Variants in GRID2 observed in about 807,000 individuals in gnomAD.
The protein encoded by GRID2 is glutamate receptor ionotropic, delta-2.
A neutral mutation model predicts 114.8 loss-of-function variants in GRID2; 33 were observed. That is an observed-to-expected ratio of 0.29 (90% CI 0.22 to 0.38). The LOEUF is 0.38. Among genes scored for constraint, GRID2 ranks in the 10% least tolerant of loss-of-function variants. The pLI is 1.00. For missense variants in GRID2, 1,184 were observed against 1,257.7 expected, an observed-to-expected ratio of 0.94 and a Z score of 0.89; for synonymous variants, 505 against 449.9, an observed-to-expected ratio of 1.12 and a Z score of -1.55.
chr4:92,816,318 C>CAAAAAAA (rs764487348), intron 2 of GRID2, among the ~76,000 whole-genome samples: 8 of 48,254 alleles, frequency 1.7e-4, no homozygotes, highest in East Asian at 7.2e-4. Context: ...TCTGTCTCAC[C>CAAAAAAA]AAAAAAAAAA....
chr4:92,589,647 C>T (rs976972937), intron 1 of GRID2, among the ~76,000 whole-genome samples: 4 of 151,672 alleles, frequency 2.6e-5, no homozygotes, highest in African/African-American at 4.8e-5. Flanking sequence ...TAATGAAACC[C>T]GTGTTCAAAA....
At chr4:93,781,651 T>C (rs1167663453) in intron 1 of GRID2, among the ~76,000 whole-genome samples, 3 of 152,204 alleles carry the variant, frequency 2.0e-5, no homozygotes, top group Non-Finnish European at 4.4e-5. Flanking sequence ...ATATAACATA[T>C]GCAAATTCTT....
rs530017904 is a variant in GRID2, at chr4:93,164,639, A to G, written c.736-42765A>G. 16 of 318,814 alleles carry G rather than the reference A, an allele frequency of 5.0e-5. 1 individual carries two copies. The highest frequency in any genetic ancestry group is 2.4e-4 in the Admixed American group (8 of 32,964). 19.7% of individuals were successfully genotyped at this position (318,814 alleles called of 1,614,324 possible). On this transcript the variant is annotated intron_variant, in intron 4 of 15. Transcript: ENST00000282020. ...AATAGTATCAAACGAATGGTAGGGGAAAAAAATGAAAATACCGGTTATCCT... is the reference window on the plus strand; with the variant it reads ...AATAGTATCAAACGAATGGTAGGGGGAAAAAATGAAAATACCGGTTATCCT...
chr4:92,649,321 A>G (rs1050729181), intron 2 of GRID2, among the ~76,000 whole-genome samples: 4 of 150,208 alleles, frequency 2.7e-5, no homozygotes, highest in African/African-American at 9.8e-5. Flanking sequence ...GAACCAGACG[A>G]GGCAATGTTG....
At chr4:93,654,864 G>A (rs1374152053) in intron 14 of GRID2, among the ~76,000 whole-genome samples, 1 of 152,094 alleles carries the variant, frequency 6.6e-6, no homozygotes, top group African/African-American at 2.4e-5. Context: ...GCTAATGGAT[G>A]CTGTCATTGA....
intron 2 of GRID2, among the ~76,000 whole-genome samples, chr4:92,979,811 G>C (rs1292018866): frequency 6.6e-6 from 1 of 152,058 alleles, no homozygotes; most frequent in Non-Finnish European, 1.5e-5. Flanking sequence ...TTGTTACCTA[G>C]AGAGATTTGC....
intron 1 of GRID2, among the ~76,000 whole-genome samples, chr4:92,583,465 C>G (rs548588966): frequency 6.6e-6 from 1 of 151,820 alleles, no homozygotes; most frequent in Non-Finnish European, 1.5e-5. Flanking sequence ...ATAAGATGAA[C>G]TGAGAAAAAT....
At chr4:92,865,823 C>A (rs1744821064) in intron 2 of GRID2, among the ~76,000 whole-genome samples, 1 of 152,044 alleles carries the variant, frequency 6.6e-6, no homozygotes, top group African/African-American at 2.4e-5. Flanking sequence ...CAAGAAACGG[C>A]AAAGCAAAAA....
intron 1 of GRID2, among the ~76,000 whole-genome samples, chr4:93,786,546 G>T (rs1348505559): frequency 6.6e-6 from 1 of 152,176 alleles, no homozygotes; most frequent in African/African-American, 2.4e-5. Flanking sequence ...TTTTGTAACT[G>T]CATGAAAGGC....
At chr4:92,587,098 C>CTGTGTGTGTGTGTGTGTGTGTGTG (rs70942914) in intron 1 of GRID2, among the ~76,000 whole-genome samples, 2 of 133,764 alleles carry the variant, frequency 1.5e-5, no homozygotes, top group Admixed American at 7.7e-5. Flanking sequence ...TGATGAAATG[C>CTGTGTGTGTGTGTGTGTGTGTGTG]TGTGTGTGTG....
intron 2 of GRID2, among the ~76,000 whole-genome samples, chr4:92,962,431 T>C (rs1204304683): frequency 2.6e-5 from 4 of 151,784 alleles, no homozygotes; most frequent in African/African-American, 9.7e-5. Context: ...CTCTTTTACC[T>C]TTAATAGGAT....
intron 1 of GRID2, among the ~76,000 whole-genome samples, chr4:92,579,383 T>G (rs1728065068): frequency 6.6e-6 from 1 of 152,052 alleles, no homozygotes; most frequent in South Asian, 2.1e-4. Flanking sequence ...CAAAAGAGGA[T>G]TACTACATTC....
chr4:93,094,061 A>G (rs1246028410), intron 3 of GRID2, among the ~76,000 whole-genome samples: 1 of 152,030 alleles, frequency 6.6e-6, no homozygotes, highest in African/African-American at 2.4e-5. Flanking sequence ...ATATCTCTGT[A>G]TGAATATTAT....
intron 1 of GRID2, among the ~76,000 whole-genome samples, chr4:92,538,564 G>A (rs1312238759): frequency 6.6e-6 from 1 of 152,108 alleles, no homozygotes; most frequent in Non-Finnish European, 1.5e-5. Context: ...CAGCAAACTT[G>A]TCTAACAAAG....
intron 11 of GRID2, among the ~76,000 whole-genome samples, chr4:93,456,588 A>G (rs527955558): frequency 5.9e-5 from 9 of 152,314 alleles, no homozygotes; most frequent in Non-Finnish European, 1.2e-4. Flanking sequence ...TGTCCAATTA[A>G]TTATTTGGCT....
chr4:92,480,776 C>T (rs749189679), intron 1 of GRID2, among the ~76,000 whole-genome samples: 1 of 152,060 alleles, frequency 6.6e-6, no homozygotes, highest in African/African-American at 2.4e-5. Flanking sequence ...AAGGTGTAGG[C>T]ATATCTTTTG....
intron 13 of GRID2, among the ~76,000 whole-genome samples, chr4:93,566,284 ACT>A (rs1160162701): frequency 6.6e-6 from 1 of 152,134 alleles, no homozygotes; most frequent in Non-Finnish European, 1.5e-5. Flanking sequence ...AAGGTTACAA[ACT>A]CTATAATTTT....
intron 2 of GRID2, among the ~76,000 whole-genome samples, chr4:92,915,156 AACTT>A (rs1289530287): frequency 6.6e-6 from 1 of 152,090 alleles, no homozygotes; most frequent in Non-Finnish European, 1.5e-5. Context: ...ATCTCATGAG[AACTT>A]ACTCAGAATA....
intron 14 of GRID2, among the ~76,000 whole-genome samples, chr4:93,668,009 T>G (rs1444828695): frequency 2.0e-5 from 3 of 152,044 alleles, no homozygotes; most frequent in African/African-American, 7.2e-5. Flanking sequence ...ATTTAAGATG[T>G]TTCTGTAAAC....
Sources: allele counts gnomAD v4.1 joint callset (sites outside exome capture counted in the v4.1 genomes callset), GRCh38; gene constraint gnomAD v4.1.1; transcripts MANE v1.5; gene names NCBI Gene and HGNC (gene_info 2026-07-23, HGNC 2026-07-21).